Variants in TDO2 observed in about 807,000 individuals in gnomAD.
TDO2 encodes tryptophan 2,3-dioxygenase.
TDO2 carries 63 observed loss-of-function variants against 61.2 expected under a neutral mutation model. The ratio of observed to expected loss-of-function variants is 1.03; its 90% confidence interval spans 0.84 to 1.27. The LOEUF is 1.27. Ranked by LOEUF, TDO2 falls within the 50% of genes most tolerant of loss-of-function variation. The pLI is 0.00. For missense variants in TDO2, 494 were observed against 469.5 expected (o/e 1.05, Z -0.48); for synonymous variants, 183 against 164.0 (o/e 1.12, Z -0.89).
In TDO2 at chr4:155,903,805, C is replaced by T. The variant is rs1045705250; in HGVS notation, c.35+12C>T. ...GGAAACAACTTTGGGTGAGTATTTA[C>T]CTTTATTCTAAGTGGGTTTTGGCTT... On this transcript the variant is annotated intron_variant, in intron 1 of 11. Coordinates refer to ENST00000536354, the MANE Select transcript of TDO2 (RefSeq NM_005651.4). The T allele has an allele frequency of 6.2e-7, 1 of 1,614,018 alleles. No homozygotes were observed. Among genetic ancestry groups the T allele is most frequent in the Non-Finnish European group, 8.5e-7 (1 of 1,179,960 alleles).
chr4:155,909,553 G>C (rs1044380071), intron 5 of TDO2, among the ~76,000 whole-genome samples: 1 of 152,092 alleles, frequency 6.6e-6, no homozygotes, highest in Non-Finnish European at 1.5e-5. Context: ...AGGAAAAGTA[G>C]AATTTGTGGT....
chr4:155,914,690 A>G (rs1049124210), intron 8 of TDO2, among the ~76,000 whole-genome samples: 1 of 152,146 alleles, frequency 6.6e-6, no homozygotes, highest in Admixed American at 6.5e-5. Context: ...GATGAATTGC[A>G]TATAGTTTCT....
chr4:155,908,870 C>A lies in TDO2; in HGVS notation c.304-17C>A. On this transcript the variant is annotated splice_polypyrimidine_tract_variant and intron_variant, in intron 4 of 11. Transcript: ENST00000536354. Reference sequence around the variant, plus strand: ...GGTCAGCATTGCTAACTCAGTGTTTCATTTCTTAACCTTCAGGTCAGAGAT... The same window carrying A: ...GGTCAGCATTGCTAACTCAGTGTTTAATTTCTTAACCTTCAGGTCAGAGAT... 1 of 1,604,012 alleles carries A rather than the reference C, an allele frequency of 6.2e-7. No homozygotes were observed. Among genetic ancestry groups the A allele is most frequent in the South Asian group, 1.1e-5 (1 of 89,394 alleles).
At chr4:155,914,515 C>A (rs528286646) in intron 8 of TDO2, 81 bp downstream of exon 8, 20 of 930,388 alleles carry the variant, frequency 2.1e-5, no homozygotes, top group African/African-American at 1.0e-4. Flanking sequence ...GACTATCAAG[C>A]CTTACTTGGG....
At position 155,905,100 on chromosome 4, in the gene TDO2, A is replaced by T. The variant is rs1157412724; in HGVS notation, c.175A>T (p.Ser59Cys). 2 of 1,600,880 alleles carry T rather than the reference A, an allele frequency of 1.2e-6. No homozygotes were observed. Among genetic ancestry groups the T allele is most frequent in the African/African-American group, 2.7e-5 (2 of 74,292 alleles). Residue 59 changes from serine to cysteine, a missense_variant, in exon 3 of 12, where the codon AGT becomes TGT. By Grantham distance (112) the Ser-to-Cys change is moderately radical. Transcript: ENST00000536354. ...EKVLNAQELQ[S>C]ETKGNKIHDE... is the part of the protein sequence containing the mutation. ...AGTTTTGAATGCACAAGAACTGCAAAGTGAAACAAAAGGAAATAAAATCCA... is the reference window on the plus strand; with the variant it reads ...AGTTTTGAATGCACAAGAACTGCAATGTGAAACAAAAGGAAATAAAATCCA...
At chr4:155,918,269 G>C (rs1489994490) in intron 11 of TDO2, 30 bp downstream of exon 11, 1 of 1,605,434 alleles carries the variant, frequency 6.2e-7, no homozygotes. Flanking sequence ...TTTCTTCCTG[G>C]TGGCAGTCAC....
At position 155,907,513 on chromosome 4, in the gene TDO2, T is replaced by A. The variant is rs146387839; in HGVS notation, c.233-209T>A. On this transcript the variant is annotated intron_variant, in intron 3 of 11. Transcript: ENST00000536354. ...TGAATATGAAGCATTAGGTAACATG[T>A]CTAGCATATTAAAACATTTAATAAA... 5.5e-5 allele frequency: 29 copies of A among 529,326 alleles called. No individual in the cohort carries two copies. The Admixed American group carries it at 8.2e-4, about 15-fold the overall frequency. 32.8% of individuals were successfully genotyped at this position (529,326 alleles called of 1,614,324 possible).
intron 8 of TDO2, 152 bp from the exon 9 acceptor site, chr4:155,915,703 A>G: frequency 2.0e-6 from 1 of 509,648 alleles, no homozygotes; most frequent in African/African-American, 2.0e-5. Flanking sequence ...TATGTTTACA[A>G]ATTCAACCTA....
chr4:155,906,694 A>T (rs1046419931), intron 3 of TDO2: 1 of 152,224 alleles, frequency 6.6e-6, no homozygotes, highest in Admixed American at 6.5e-5. Context: ...GGGAAGGACA[A>T]ATCAACGGGG....
At position 155,911,496 on chromosome 4, in the gene TDO2, G is replaced by A. The variant is rs1229112702; in HGVS notation, c.619-1G>A. 6.4e-7 allele frequency: 1 copy of A among 1,573,276 alleles called. No individual in the cohort carries two copies. The highest frequency in any genetic ancestry group is 8.7e-7 in the Non-Finnish European group (1 of 1,154,752). On this transcript the variant is annotated splice_acceptor_variant, in intron 6 of 11. Transcript: ENST00000536354. LOFTEE classifies it high-confidence loss of function. The stretch of plus-strand genomic sequence containing the variant: ...CACTTAAAAAATAATGTTTATTTAA[G>A]GCATGGCTGGAAAGAACTCCAGGTT...
chr4:155,907,928 T>C, intron 4 of TDO2, 136 bp downstream of exon 4: 5 of 613,338 alleles, frequency 8.2e-6, no homozygotes, highest in Non-Finnish European at 1.4e-5. Context: ...ATTTTATGAA[T>C]GAATGAGGAG....
rs1391000799 is a variant in TDO2, at chr4:155,915,032, C to A, written c.838+598C>A. Among the ~76,000 whole-genome samples the A allele has an allele frequency of 4.6e-5, 7 of 152,114 alleles. No homozygotes were observed. In the East Asian group the frequency reaches 1.3e-3, roughly 29 times the overall value. On this transcript the variant is annotated intron_variant, in intron 8 of 11. Transcript: ENST00000536354. ...TCCCTCCTTTGTGTGTGGGTGAGTTCTTTCATACAAATCTGCTTGACTGAC... is the reference window on the plus strand; with the variant it reads ...TCCCTCCTTTGTGTGTGGGTGAGTTATTTCATACAAATCTGCTTGACTGAC...
At chr4:155,905,252 T>A (rs1742698462) in intron 3 of TDO2, 95 bp downstream of exon 3, 2 of 909,468 alleles carry the variant, frequency 2.2e-6, no homozygotes, top group Admixed American at 2.9e-5. Context: ...TGATGAAAGA[T>A]CATGGAATCA....
chr4:155,917,573 T>C, intron 10 of TDO2, 99 bp downstream of exon 10: 1 of 971,128 alleles, frequency 1.0e-6, no homozygotes, highest in Non-Finnish European at 1.5e-6. Flanking sequence ...TTTCTCTCTT[T>C]CCCCCTCCTT....
intron 6 of TDO2, 117 bp from the exon 7 acceptor site, chr4:155,911,380 G>T: frequency 7.2e-6 from 4 of 555,212 alleles, no homozygotes; most frequent in East Asian, 3.6e-5. Context: ...AATAAAACTT[G>T]TAGCATATGT....
intron 11 of TDO2, 65 bp downstream of exon 11, chr4:155,918,304 C>A (rs1553958661): frequency 6.6e-7 from 1 of 1,506,278 alleles, no homozygotes; most frequent in Non-Finnish European, 9.2e-7. Flanking sequence ...TCCACCTATA[C>A]ATTTGCTATC....
intron 5 of TDO2, 141 bp downstream of exon 5, chr4:155,909,155 G>A (rs934164361): frequency 1.9e-5 from 12 of 628,528 alleles, no homozygotes; most frequent in South Asian, 5.1e-5. Flanking sequence ...AGGGGTCTTC[G>A]ATCACAAAGC....
At chr4:155,919,241 G>C (rs999568347) in intron 11 of TDO2, among the ~76,000 whole-genome samples, 2 of 152,196 alleles carry the variant, frequency 1.3e-5, no homozygotes, top group African/African-American at 2.4e-5. Flanking sequence ...TCCTTGAATT[G>C]TAGGTGATAG....
At chr4:155,909,100 C>T in intron 5 of TDO2, 86 bp downstream of exon 5, 9 of 1,341,996 alleles carry the variant, frequency 6.7e-6, no homozygotes, top group Non-Finnish European at 7.9e-6. Context: ...GTGTTTTGTG[C>T]CATGAGGAGC....
Sources: gnomAD v4.1 joint callset for allele counts (sites outside exome capture counted in the v4.1 genomes callset) on GRCh38, gnomAD v4.1.1 for gene constraint, MANE v1.5 for transcripts, NCBI Gene and HGNC (gene_info 2026-07-23, HGNC 2026-07-21) for gene names.